Variants in SYT9 observed in about 807,000 individuals in gnomAD.
The protein encoded by SYT9 is synaptotagmin 9.
SYT9 carries 22 observed loss-of-function variants against 48.4 expected under a neutral mutation model. That is an observed-to-expected ratio of 0.45 (90% CI 0.32 to 0.65). SYT9 has a LOEUF of 0.65. Ranked by LOEUF, SYT9 falls within the 30% of genes least tolerant of loss-of-function variation. SYT9 has a pLI of 0.03. For synonymous variants in SYT9, 265 were observed against 245.0 expected (o/e 1.08, Z -0.76); for missense variants, 577 against 622.0 (o/e 0.93, Z 0.77).
At chr11:7,432,581 AAATATATATACATATATATATAT>A (rs1564902056) in intron 6 of SYT9, among the ~76,000 whole-genome samples, 34 of 3,072 alleles carry the variant, frequency 0.011, 1 homozygote, top group Admixed American at 0.017. Flanking sequence ...AAAAAAAAAA[AAATATATATACATATATATATAT>A]ATATATATAT....
intron 3 of SYT9, among the ~76,000 whole-genome samples, chr11:7,346,323 G>GA (rs747170552): frequency 6.6e-6 from 1 of 152,224 alleles, no homozygotes; most frequent in East Asian, 1.9e-4. Flanking sequence ...GGAGATGCAA[G>GA]AAAGAGAGGA....
intron 1 of SYT9, among the ~76,000 whole-genome samples, chr11:7,240,069 GC>G: frequency 6.6e-6 from 1 of 152,252 alleles, no homozygotes; most frequent in Non-Finnish European, 1.5e-5. Flanking sequence ...TGAGAACAAA[GC>G]TCTGTGGCAT....
chr11:7,345,859 A>G (rs1386597492), intron 3 of SYT9, among the ~76,000 whole-genome samples: 1 of 152,214 alleles, frequency 6.6e-6, no homozygotes, highest in Non-Finnish European at 1.5e-5. Flanking sequence ...TTTGAAGAAT[A>G]CTAATGTTTA....
chr11:7,420,658 C>A, intron 6 of SYT9, 23 bp downstream of exon 6: 1 of 1,613,826 alleles, frequency 6.2e-7, no homozygotes, highest in Non-Finnish European at 8.5e-7. Context: ...TCCACATGCT[C>A]CACTTTGCAT....
At position 7,416,023 on chromosome 11, in the gene SYT9, G is replaced by T. The variant is rs1847239900; in HGVS notation, c.1045-19G>T. ...GCTGGAGACACTTTCTAATACTTTAGTTTGTGCTTTCTCAACAGGACAACG... is the reference window on the plus strand; with the variant it reads ...GCTGGAGACACTTTCTAATACTTTATTTTGTGCTTTCTCAACAGGACAACG... On this transcript the variant is annotated intron_variant, in intron 3 of 6. Coordinates refer to ENST00000318881, the MANE Select transcript of SYT9 (RefSeq NM_175733.4). 6.2e-7 allele frequency: 1 copy of T among 1,613,922 alleles called. No individual in the cohort carries two copies. Among genetic ancestry groups the T allele is most frequent in the Non-Finnish European group, 8.5e-7 (1 of 1,179,966 alleles).
intron 3 of SYT9, among the ~76,000 whole-genome samples, chr11:7,355,639 C>T (rs1850007238): frequency 6.6e-6 from 1 of 152,166 alleles, no homozygotes; most frequent in Non-Finnish European, 1.5e-5. Flanking sequence ...AGCTACTGTC[C>T]TTGAGACATC....
At chr11:7,400,770 G>A (rs1248420391) in intron 3 of SYT9, among the ~76,000 whole-genome samples, 1 of 152,124 alleles carries the variant, frequency 6.6e-6, no homozygotes, top group Non-Finnish European at 1.5e-5. Context: ...CCCGAGAGAA[G>A]CCACCTCCTA....
intron 3 of SYT9, among the ~76,000 whole-genome samples, chr11:7,408,125 T>C (rs550229581): frequency 3.9e-5 from 6 of 152,058 alleles, no homozygotes; most frequent in African/African-American, 1.5e-4. Flanking sequence ...TAGTATGATT[T>C]TGTTTTTTTG....
intron 6 of SYT9, among the ~76,000 whole-genome samples, chr11:7,446,082 C>T (rs570930986): frequency 8.5e-5 from 13 of 152,378 alleles, no homozygotes; most frequent in African/African-American, 2.9e-4. Flanking sequence ...GCCCCAGGCA[C>T]AGCATCAAGT....
intron 1 of SYT9, among the ~76,000 whole-genome samples, chr11:7,283,246 C>T (rs1284908329): frequency 6.6e-6 from 1 of 151,224 alleles, no homozygotes; most frequent in Non-Finnish European, 1.5e-5. Flanking sequence ...TAAGAAGCAG[C>T]TATTTTTGCT....
chr11:7,325,338 A>G (rs1236758050), intron 3 of SYT9, among the ~76,000 whole-genome samples: 1 of 136,814 alleles, frequency 7.3e-6, no homozygotes, highest in Non-Finnish European at 1.6e-5. Context: ...ATCCCTTGTA[A>G]GTTGGATTCC....
At chr11:7,316,595 C>T (rs763878153) in intron 3 of SYT9, among the ~76,000 whole-genome samples, 2 of 152,102 alleles carry the variant, frequency 1.3e-5, no homozygotes, top group Non-Finnish European at 2.9e-5. Flanking sequence ...TGAATAATAT[C>T]GCAGAGATTT....
intron 3 of SYT9, among the ~76,000 whole-genome samples, chr11:7,400,479 G>T (rs997847678): frequency 6.6e-6 from 1 of 152,074 alleles, no homozygotes; most frequent in Non-Finnish European, 1.5e-5. Context: ...ACCAAACAAT[G>T]GTGAAATAGT....
At chr11:7,415,547 G>GCT (rs1847226331) in intron 3 of SYT9, among the ~76,000 whole-genome samples, 1 of 152,094 alleles carries the variant, frequency 6.6e-6, no homozygotes, top group Non-Finnish European at 1.5e-5. Flanking sequence ...GCTTCATGAT[G>GCT]CTGCATAGGG....
chr11:7,439,474 C>G (rs1214964669), intron 6 of SYT9: 1 of 152,306 alleles, frequency 6.6e-6, no homozygotes, highest in Non-Finnish European at 1.5e-5. Context: ...GACACACCTG[C>G]CAAGGCTGCC....
intron 1 of SYT9, among the ~76,000 whole-genome samples, chr11:7,301,872 C>T (rs1366621326): frequency 1.3e-5 from 2 of 152,174 alleles, no homozygotes; most frequent in African/African-American, 4.8e-5. Context: ...GCTCAGCCTC[C>T]TTGGTTCTAC....
intron 1 of SYT9, among the ~76,000 whole-genome samples, chr11:7,254,801 A>G (rs570057108): frequency 2.6e-5 from 4 of 152,352 alleles, no homozygotes; most frequent in African/African-American, 7.2e-5. Context: ...GAAAAAAGAT[A>G]TAATTTCCTG....
chr11:7,314,270 T>C (rs1849201138), intron 3 of SYT9: 1 of 460,198 alleles, frequency 2.2e-6, no homozygotes. Flanking sequence ...TTGTTTGTGC[T>C]GAATGGAACC....
chr11:7,279,325 T>C (rs145609572), intron 1 of SYT9, among the ~76,000 whole-genome samples: 5 of 152,280 alleles, frequency 3.3e-5, no homozygotes, highest in Admixed American at 3.3e-4. Context: ...ATATTTTTAT[T>C]GGGCAGTTTA....
Sources: gnomAD v4.1 joint callset for allele counts (sites outside exome capture counted in the v4.1 genomes callset) on GRCh38, gnomAD v4.1.1 for gene constraint, MANE v1.5 for transcripts, NCBI Gene and HGNC (gene_info 2026-07-23, HGNC 2026-07-21) for gene names.